SLC44A3: variants seen among roughly 807,000 people sequenced by gnomAD.
SLC44A3 encodes the protein solute carrier family 44 member 3, also known as choline transporter-like protein 3.
Under a neutral mutation model 75.4 loss-of-function variants are expected in SLC44A3, and 74 were observed. The ratio of observed to expected loss-of-function variants is 0.98; its 90% CI spans 0.81 to 1.19. The LOEUF (loss-of-function observed/expected upper bound fraction) is 1.19, where lower values mean the gene tolerates loss of function less well. SLC44A3 is among the 50% of genes most tolerant of loss of function. SLC44A3 has a pLI of 0.00. For missense variants in SLC44A3, 700 were observed against 778.6 expected (o/e 0.90, Z 1.20); for synonymous variants, 310 against 296.9 (o/e 1.04, Z -0.45).
chr1:94,826,275 G>A (rs925213879), intron 3 of SLC44A3, among the ~76,000 whole-genome samples: 2 of 152,224 alleles, frequency 1.3e-5, no homozygotes, highest in African/African-American at 4.8e-5. Flanking sequence ...ACAGATTTCA[G>A]TTTGGGAAGA....
intron 10 of SLC44A3, among the ~76,000 whole-genome samples, chr1:94,863,698 T>A (rs1666851983): frequency 6.6e-6 from 1 of 152,256 alleles, no homozygotes. Context: ...ATCCTTTTTT[T>A]TTGTGGGACA....
intron 12 of SLC44A3, among the ~76,000 whole-genome samples, chr1:94,878,269 A>AAAAG (rs1557878012): frequency 6.6e-6 from 1 of 151,154 alleles, no homozygotes; most frequent in Non-Finnish European, 1.5e-5. Flanking sequence ...ACAAAAAAAA[A>AAAAG]ACAGAGAAAC....
chr1:94,877,962 C>T (rs1393136850), intron 12 of SLC44A3, among the ~76,000 whole-genome samples: 4 of 152,254 alleles, frequency 2.6e-5, no homozygotes, highest in African/African-American at 4.8e-5. Context: ...GGGCTGGACG[C>T]GGTGGCTCAC....
At chr1:94,859,923 C>T (rs1019586075) in intron 10 of SLC44A3, among the ~76,000 whole-genome samples, 4 of 152,122 alleles carry the variant, frequency 2.6e-5, no homozygotes, top group Admixed American at 2.0e-4. Flanking sequence ...CATATGGGGT[C>T]CCCCAATGAA....
chr1:94,867,459 C>T, intron 12 of SLC44A3, 42 bp downstream of exon 12: 2 of 1,503,370 alleles, frequency 1.3e-6, no homozygotes, highest in South Asian at 1.3e-5. Flanking sequence ...CAGAAGGGTC[C>T]AAAGGTGGGC....
intron 11 of SLC44A3, among the ~76,000 whole-genome samples, chr1:94,866,162 C>T (rs532468641): frequency 2.6e-5 from 4 of 152,216 alleles, no homozygotes; most frequent in Non-Finnish European, 4.4e-5. Flanking sequence ...AACAGGACAG[C>T]GTTTTATTTT....
At chr1:94,859,012 G>A (rs903779941) in intron 10 of SLC44A3, among the ~76,000 whole-genome samples, 6 of 152,108 alleles carry the variant, frequency 3.9e-5, no homozygotes, top group African/African-American at 1.4e-4. Context: ...TTTTAATGTA[G>A]TGGTGCAGTT....
rs1670605547 is a variant in SLC44A3 at position 94,894,875 on chromosome 1, T to A, written c.1915T>A (p.Ser639Thr). 1.2e-6 allele frequency: 2 copies of A among 1,612,520 alleles called. No homozygotes were observed. Among genetic ancestry groups the A allele is most frequent in the East Asian group, 4.5e-5 (2 of 44,786 alleles). The change falls in exon 15 of 15, where the codon TCA becomes ACA. Residue 639 changes from serine (S) to threonine (T), a missense_variant. Physicochemically the swap from Ser to Thr is moderately conservative, Grantham distance 58. Coordinates refer to ENST00000271227, the MANE Select transcript of SLC44A3 (RefSeq NM_001114106.3). ...NNARAQQDKHSLRNEEGTELQ... is the reference protein window; with the variant it reads ...NNARAQQDKHTLRNEEGTELQ... Reference sequence around the variant, plus strand: ...TGCAAGGGCACAGCAGGACAAGCACTCATTAAGGAATGAGGAGGGAACAGA... The same window carrying A: ...TGCAAGGGCACAGCAGGACAAGCACACATTAAGGAATGAGGAGGGAACAGA...
intron 12 of SLC44A3, among the ~76,000 whole-genome samples, chr1:94,879,125 A>G (rs181160286): frequency 2.6e-5 from 4 of 152,232 alleles, no homozygotes; most frequent in Admixed American, 1.3e-4. Context: ...AGTGAAAATC[A>G]TCCTATAGAA....
chr1:94,845,034 G>A (rs1259481106), intron 8 of SLC44A3, among the ~76,000 whole-genome samples: 1 of 152,104 alleles, frequency 6.6e-6, no homozygotes, highest in Non-Finnish European at 1.5e-5. Flanking sequence ...AGACTACAAG[G>A]CCCTTTATGG....
chr1:94,839,951 T>C lies in SLC44A3; in HGVS notation c.674T>C (p.Leu225Ser). The change falls in exon 7 of 15, where the codon TTG becomes TCG. Residue 225 changes from leucine (L) to serine (S), a missense_variant. Coordinates refer to ENST00000271227, the MANE Select transcript of SLC44A3 (RefSeq NM_001114106.3). ...ILGLCILALA[L>S]SLAMMFTFRF... ...TGTGTTTTGCTTAATTTTTCAGCCTTGTCTTTGGCCATGATGTTTACCTTC... is the reference window on the plus strand; with the variant it reads ...TGTGTTTTGCTTAATTTTTCAGCCTCGTCTTTGGCCATGATGTTTACCTTC... The C allele has an allele frequency of 6.2e-7, 1 of 1,613,904 alleles. No homozygotes were observed. The highest frequency in any genetic ancestry group is 8.5e-7 in the Non-Finnish European group (1 of 1,179,752).
intron 12 of SLC44A3, among the ~76,000 whole-genome samples, chr1:94,881,621 G>A (rs890974861): frequency 1.4e-4 from 21 of 148,882 alleles, no homozygotes; most frequent in Admixed American, 1.0e-3. Context: ...GGAGAATGGC[G>A]TGAACCCGGG....
chr1:94,857,293 G>C, intron 9 of SLC44A3, 42 bp from the exon 10 acceptor site: 1 of 1,525,624 alleles, frequency 6.6e-7, no homozygotes, highest in Non-Finnish European at 8.8e-7. Flanking sequence ...TTCATGCTTA[G>C]GAAAACATTG....
intron 2 of SLC44A3, among the ~76,000 whole-genome samples, chr1:94,823,738 G>A (rs375576697): frequency 2.6e-5 from 4 of 152,276 alleles, no homozygotes; most frequent in African/African-American, 9.6e-5. Context: ...TCAATATAGA[G>A]TATTAAATGG....
chr1:94,875,648 G>A (rs1238693761), intron 12 of SLC44A3, among the ~76,000 whole-genome samples: 1 of 147,750 alleles, frequency 6.8e-6, no homozygotes, highest in Admixed American at 6.8e-5. Context: ...CCATGCTCAT[G>A]GAGGCAGAAG....
chr1:94,849,025 C>G (rs1488640430), intron 9 of SLC44A3, among the ~76,000 whole-genome samples: 1 of 152,102 alleles, frequency 6.6e-6, no homozygotes, highest in African/African-American at 2.4e-5. Flanking sequence ...CCAAGGCTGA[C>G]TTGGGCATGA....
intron 9 of SLC44A3, among the ~76,000 whole-genome samples, chr1:94,852,475 A>G (rs1665339083): frequency 2.0e-5 from 3 of 152,200 alleles, no homozygotes; most frequent in Admixed American, 2.0e-4. Flanking sequence ...AGGGAAGCCT[A>G]TTCAGCGAGA....
intron 3 of SLC44A3, 116 bp downstream of exon 3, chr1:94,824,751 T>C: frequency 1.6e-6 from 2 of 1,277,856 alleles, no homozygotes; most frequent in South Asian, 3.3e-5. Flanking sequence ...GCCTATTTTA[T>C]AAAAAGGAAG....
chr1:94,840,028 G>C lies in SLC44A3; in HGVS notation c.751G>C (p.Gly251Arg). 1.9e-6 allele frequency: 3 copies of C among 1,612,054 alleles called. No homozygotes were observed. Among genetic ancestry groups the C allele is most frequent in the Non-Finnish European group, 2.5e-6 (3 of 1,178,304 alleles). ...CATTTTCATTTCATTGGTTATTTTG[G>C]GATTGTTGTGTAAGTATTTCTCTAC... ...VHIFISLVIL[G>R]LLFVCGVLWW... Residue 251 changes from glycine (G) to arginine (R), a missense_variant, in exon 7 of 15, where the codon GGA becomes CGA. Gly to Arg is a moderately radical substitution (Grantham distance 125, BLOSUM62 -2). Coordinates refer to ENST00000271227, the MANE Select transcript of SLC44A3 (RefSeq NM_001114106.3).
Sources: allele counts gnomAD v4.1 joint callset (sites outside exome capture counted in the v4.1 genomes callset), GRCh38; gene constraint gnomAD v4.1.1; transcripts MANE v1.5; gene names NCBI Gene and HGNC (gene_info 2026-07-23, HGNC 2026-07-21).